Variants in SCLT1 observed in about 807,000 individuals in gnomAD.
The protein encoded by SCLT1 is sodium channel-associated protein 1.
SCLT1 carries 78 observed loss-of-function variants against 112.8 expected under a neutral mutation model. The observed-to-expected ratio is 0.69, with a 90% CI of 0.58 to 0.83. The LOEUF is 0.83. SCLT1 is among the 40% of genes least tolerant of loss of function. SCLT1 has a pLI of 0.00. For synonymous variants in SCLT1, 257 were observed against 254.7 expected (o/e 1.01, Z -0.09); for missense variants, 747 against 770.4 (o/e 0.97, Z 0.36).
intron 18 of SCLT1, among the ~76,000 whole-genome samples, chr4:128,933,781 T>C (rs1230802598): frequency 6.6e-6 from 1 of 152,094 alleles, no homozygotes; most frequent in African/African-American, 2.4e-5. Flanking sequence ...TCTTCTCTTT[T>C]ATGATGAAAA....
chr4:129,084,732 A>C (rs1047580987), intron 1 of SCLT1, among the ~76,000 whole-genome samples: 1 of 152,202 alleles, frequency 6.6e-6, no homozygotes, highest in South Asian at 2.1e-4. Flanking sequence ...ACCTACAACT[A>C]TCTGATCTTC....
At chr4:129,055,145 C>T (rs1238662993) in intron 2 of SCLT1, among the ~76,000 whole-genome samples, 1 of 152,194 alleles carries the variant, frequency 6.6e-6, no homozygotes, top group Non-Finnish European at 1.5e-5. Context: ...GAAGCTTCAT[C>T]CCAGAGGGGC....
intron 18 of SCLT1, among the ~76,000 whole-genome samples, chr4:128,902,505 C>T (rs957275025): frequency 7.9e-5 from 12 of 152,020 alleles, no homozygotes; most frequent in African/African-American, 2.4e-4. Context: ...CGTGTATCTA[C>T]ACATAGAAAA....
chr4:129,034,263 T>C (rs991005769), intron 5 of SCLT1, among the ~76,000 whole-genome samples: 6 of 152,058 alleles, frequency 3.9e-5, no homozygotes, highest in African/African-American at 1.4e-4. Context: ...TCATAGGATA[T>C]TGTCAGCACA....
chr4:128,933,715 C>T (rs1736960376), intron 18 of SCLT1, among the ~76,000 whole-genome samples: 1 of 152,068 alleles, frequency 6.6e-6, no homozygotes, highest in Non-Finnish European at 1.5e-5. Context: ...ATCTTGAGTT[C>T]ATAAACTCTT....
intron 18 of SCLT1, among the ~76,000 whole-genome samples, chr4:128,918,453 C>T (rs1439599962): frequency 6.6e-6 from 1 of 152,132 alleles, no homozygotes; most frequent in East Asian, 1.9e-4. Context: ...AGTTTGAAGA[C>T]TGGTTTCTCT....
chr4:129,088,919 A>G (rs1436212319), intron 1 of SCLT1, among the ~76,000 whole-genome samples: 2 of 152,242 alleles, frequency 1.3e-5, no homozygotes, highest in East Asian at 3.8e-4. Context: ...AACCTAGGCA[A>G]TACCATTCAG....
At chr4:129,047,189 C>T (rs778970718) in intron 2 of SCLT1, among the ~76,000 whole-genome samples, 4 of 152,148 alleles carry the variant, frequency 2.6e-5, no homozygotes, top group Admixed American at 2.0e-4. Flanking sequence ...AGCCATCCTG[C>T]CTATTATAAG....
intron 18 of SCLT1, among the ~76,000 whole-genome samples, chr4:128,907,653 A>C (rs1734789469): frequency 6.6e-6 from 1 of 152,214 alleles, no homozygotes; most frequent in South Asian, 2.1e-4. Context: ...AGACTATTTC[A>C]AAAAGGTCTG....
chr4:128,948,329 C>T (rs1457436016), intron 15 of SCLT1, among the ~76,000 whole-genome samples, 167 bp downstream of exon 15: 3 of 101,462 alleles, frequency 3.0e-5, no homozygotes, highest in African/African-American at 1.3e-4. Flanking sequence ...GAGTGAGACT[C>T]CATTGCAAAA....
At chr4:129,076,221 G>T (rs1206349625) in intron 2 of SCLT1, among the ~76,000 whole-genome samples, 1 of 151,898 alleles carries the variant, frequency 6.6e-6, no homozygotes, top group African/African-American at 2.4e-5. Context: ...TCATAGTCCT[G>T]TCCCCAGAGC....
Position 128,959,737 on chromosome 4 carries a change from C to T in SCLT1, c.910G>A (p.Glu304Lys), listed in dbSNP as rs758471749. 8.1e-6 allele frequency: 13 copies of T among 1,613,392 alleles called. No individual in the cohort carries two copies. The highest frequency in any genetic ancestry group is 5.0e-5 in the Admixed American group (3 of 59,988). ...TIQEANQLRT[E>K]NTHLEKQTRE... ...GTCTGTTTTTCCAGATGTGTATTTT[C>T]GGTTCTTAATTGGTTGGCTTCTTGG... is the stretch of plus-strand genomic sequence containing the variant. The change falls in exon 12 of 21, where the codon GAA becomes AAA. Residue 304 changes from glutamate to lysine, a missense_variant. Glu to Lys is a moderately conservative substitution (Grantham distance 56). This residue lies in a region of SCLT1 where 723 missense variants were observed against 721.3 expected (regional missense o/e 1.00). Transcript: ENST00000281142.
intron 14 of SCLT1, among the ~76,000 whole-genome samples, chr4:128,949,846 C>T (rs75315788): frequency 2.1e-5 from 3 of 144,716 alleles, no homozygotes; most frequent in Non-Finnish European, 3.0e-5. Context: ...TTTTTTTCCT[C>T]TTTTTTTTTT....
At chr4:129,064,445 T>C (rs1347136038) in intron 2 of SCLT1, among the ~76,000 whole-genome samples, 1 of 152,202 alleles carries the variant, frequency 6.6e-6, no homozygotes, top group Non-Finnish European at 1.5e-5. Context: ...AAAAATTGTA[T>C]AGATTCACAT....
chr4:128,952,201 G>C (rs563738840), intron 14 of SCLT1: 5 of 385,812 alleles, frequency 1.3e-5, no homozygotes, highest in African/African-American at 6.3e-5. Context: ...GTGATACAGG[G>C]AGTCAGAAAA....
At chr4:129,081,561 G>A (rs1215897654) in intron 2 of SCLT1, among the ~76,000 whole-genome samples, 2 of 152,164 alleles carry the variant, frequency 1.3e-5, no homozygotes, top group Non-Finnish European at 2.9e-5. Context: ...AGGAGGAAGA[G>A]AGAGAATGGG....
At chr4:129,007,490 G>C (rs1162729893) in intron 5 of SCLT1, among the ~76,000 whole-genome samples, 1 of 151,968 alleles carries the variant, frequency 6.6e-6, no homozygotes, top group African/African-American at 2.4e-5. Flanking sequence ...TATGGAAACC[G>C]CCTTTTAATC....
At chr4:128,937,696 A>G (rs1737331447) in intron 17 of SCLT1, among the ~76,000 whole-genome samples, 1 of 152,224 alleles carries the variant, frequency 6.6e-6, no homozygotes, top group South Asian at 2.1e-4. Flanking sequence ...GAAAGAGACA[A>G]TATAAACAAT....
At chr4:129,080,750 C>G (rs1176411454) in intron 2 of SCLT1, among the ~76,000 whole-genome samples, 1 of 152,138 alleles carries the variant, frequency 6.6e-6, no homozygotes, top group African/African-American at 2.4e-5. Flanking sequence ...ATCTTTATAC[C>G]AATGCCCATT....
Sources: allele counts gnomAD v4.1 joint callset (sites outside exome capture counted in the v4.1 genomes callset), GRCh38; gene constraint gnomAD v4.1.1; regional missense constraint gnomAD v4.1.1; transcripts MANE v1.5; gene names NCBI Gene and HGNC (gene_info 2026-07-23, HGNC 2026-07-21).